Variants in SGCZ observed in about 807,000 individuals in gnomAD.
SGCZ encodes the protein sarcoglycan zeta.
Under a neutral mutation model 41.3 loss-of-function variants are expected in SGCZ, and 40 were observed. The observed-to-expected ratio is 0.97, with a 90% CI of 0.75 to 1.26. SGCZ has a LOEUF of 1.26. SGCZ is among the 50% of genes most tolerant of loss of function. The pLI, the probability that SGCZ is intolerant of heterozygous loss-of-function variation, is 0.00. For synonymous variants in SGCZ, 206 were observed against 137.5 expected (o/e 1.50, Z -3.49); for missense variants, 552 against 369.8 (o/e 1.49, Z -4.04).
chr8:14,426,156 A>G lies in SGCZ; in HGVS notation c.235-101952T>C, dbSNP rs113857800. 8.9e-3 allele frequency among the ~76,000 whole-genome samples: 1,350 copies of G among 152,274 alleles called. 19 individuals are homozygous for G. Among genetic ancestry groups the G allele is most frequent in the African/African-American group, 0.029 (1,190 of 41,548 alleles). ...CTGGAGGTAAGGGATTCAGCCCCTA[A>G]TAAAAAATAAGCAAATTTATCTTCC... On this transcript the variant is annotated intron_variant, in intron 2 of 7. Transcript: ENST00000382080.
intron 1 of SGCZ, among the ~76,000 whole-genome samples, chr8:14,904,878 G>A (rs898717414): frequency 1.3e-5 from 2 of 151,546 alleles, no homozygotes; most frequent in Non-Finnish European, 3.0e-5. Context: ...TTCTTCCTTA[G>A]ATAACCATTC....
chr8:15,025,746 A>C (rs2130950125), intron 1 of SGCZ, among the ~76,000 whole-genome samples: 1 of 152,324 alleles, frequency 6.6e-6, no homozygotes, highest in South Asian at 2.1e-4. Flanking sequence ...CTGACATATG[A>C]GATTGGAAAT....
intron 3 of SGCZ, among the ~76,000 whole-genome samples, chr8:14,304,105 A>T (rs1801278033): frequency 6.6e-6 from 1 of 152,062 alleles, no homozygotes; most frequent in Non-Finnish European, 1.5e-5. Context: ...GAATGATGAA[A>T]TCATAAGGCC....
intron 5 of SGCZ, among the ~76,000 whole-genome samples, chr8:14,125,391 C>A (rs900256339): frequency 4.5e-4 from 69 of 151,820 alleles, no homozygotes; most frequent in African/African-American, 1.6e-3. Context: ...GTAGTCCCAG[C>A]TACTTGGGAG....
chr8:14,572,101 T>C (rs1390874518), intron 1 of SGCZ, among the ~76,000 whole-genome samples: 1 of 152,218 alleles, frequency 6.6e-6, no homozygotes, highest in Non-Finnish European at 1.5e-5. Flanking sequence ...ATTAAATTGT[T>C]TTCATGATAC....
rs113939390 is a variant in SGCZ, at chr8:14,350,587, T to A, written c.235-26383A>T. On this transcript the variant is annotated intron_variant, in intron 2 of 7. Transcript: ENST00000382080. ...CCAGTGACCGGTACATACAGAGGTG[T>A]AAGGTTCTGGCCCTGTCGCCTCTAG... is the stretch of plus-strand genomic sequence containing the variant. Among the ~76,000 whole-genome samples the A allele has an allele frequency of 2.0e-3, 309 of 152,080 alleles. 2 individuals are homozygous for A. Among genetic ancestry groups the A allele is most frequent in the African/African-American group, 7.0e-3 (292 of 41,484 alleles).
At chr8:14,395,675 C>G (rs952434812) in intron 2 of SGCZ, among the ~76,000 whole-genome samples, 1 of 152,162 alleles carries the variant, frequency 6.6e-6, no homozygotes, top group Non-Finnish European at 1.5e-5. Context: ...CTAAAATACC[C>G]TGACCCATTT....
intron 2 of SGCZ, among the ~76,000 whole-genome samples, chr8:14,331,424 G>C (rs1802316900): frequency 6.6e-6 from 1 of 151,920 alleles, no homozygotes; most frequent in Non-Finnish European, 1.5e-5. Flanking sequence ...AAGCATAAAA[G>C]AAAAAACAAA....
intron 5 of SGCZ, among the ~76,000 whole-genome samples, chr8:14,133,579 C>T (rs538638409): frequency 8.5e-4 from 129 of 152,310 alleles, no homozygotes; most frequent in African/African-American, 2.7e-3. Context: ...TGTCTGAAGA[C>T]TGCCATAGAG....
At chr8:14,735,688 T>A (rs1799007402) in intron 1 of SGCZ, among the ~76,000 whole-genome samples, 1 of 152,172 alleles carries the variant, frequency 6.6e-6, no homozygotes, top group South Asian at 2.1e-4. Context: ...TTCTCCTTAA[T>A]AAACTCCCTT....
At chr8:14,557,073 C>T (rs1804055096) in intron 1 of SGCZ, among the ~76,000 whole-genome samples, 1 of 151,382 alleles carries the variant, frequency 6.6e-6, no homozygotes, top group South Asian at 2.1e-4. Context: ...ATTCCTTTTT[C>T]ACTGCATCTA....
chr8:14,792,634 G>A (rs540911686), intron 1 of SGCZ, among the ~76,000 whole-genome samples: 1 of 152,148 alleles, frequency 6.6e-6, no homozygotes, highest in Admixed American at 6.6e-5. Context: ...TGTTGCATAT[G>A]TATACATATG....
At chr8:14,168,563 T>A (rs1804277961) in intron 4 of SGCZ, among the ~76,000 whole-genome samples, 1 of 152,142 alleles carries the variant, frequency 6.6e-6, no homozygotes, top group South Asian at 2.1e-4. Flanking sequence ...GGCTGCCACG[T>A]AAGATGTGAC....
chr8:14,265,512 G>C lies in SGCZ; in HGVS notation c.337-27833C>G, dbSNP rs117245583. On this transcript the variant is annotated intron_variant, in intron 3 of 7. Transcript: ENST00000382080. Reference sequence around the variant, plus strand: ...TGACGAATCTGCTTTTTTCAAAATAGACAATTCAGATGTTAGCTCTGTTTA... The same window carrying C: ...TGACGAATCTGCTTTTTTCAAAATACACAATTCAGATGTTAGCTCTGTTTA... Among the ~76,000 whole-genome samples, 115 of 152,130 alleles carry C rather than the reference G, an allele frequency of 7.6e-4. 2 individuals are homozygous for C. In the East Asian group the frequency reaches 0.016, roughly 21 times the overall value.
intron 3 of SGCZ, among the ~76,000 whole-genome samples, chr8:14,265,982 A>G (rs1436870187): frequency 6.6e-6 from 1 of 152,140 alleles, no homozygotes; most frequent in East Asian, 1.9e-4. Context: ...ATTATGGGAG[A>G]ACATCAAAAG....
At chr8:14,860,735 A>AAAGT (rs375877111) in intron 1 of SGCZ, among the ~76,000 whole-genome samples, 20 of 112,830 alleles carry the variant, frequency 1.8e-4, no homozygotes, top group East Asian at 6.7e-4. Flanking sequence ...AGAAAGAAAG[A>AAAGT]AAGTAAGTAA....
intron 2 of SGCZ, among the ~76,000 whole-genome samples, chr8:14,454,184 C>G (rs73664362): frequency 0.012 from 1,777 of 152,164 alleles, 37 homozygotes; most frequent in African/African-American, 0.04. Flanking sequence ...GGTATGGTGG[C>G]AGGATTTCTA....
Position 14,110,564 on chromosome 8 carries a change from C to T in SGCZ, c.548-2329G>A, listed in dbSNP as rs549610262. On this transcript the variant is annotated intron_variant, in intron 5 of 7. Transcript: ENST00000382080. Reference sequence around the variant, plus strand: ...ATATGTAATCATACCACGTAAAGGGCGAAATTTTAAACTAAATAATACGAG... The same window carrying T: ...ATATGTAATCATACCACGTAAAGGGTGAAATTTTAAACTAAATAATACGAG... Among the ~76,000 whole-genome samples, 3 of 151,972 alleles carry T rather than the reference C, an allele frequency of 2.0e-5. No individual in the cohort carries two copies. In the South Asian group the frequency reaches 6.3e-4, roughly 32 times the overall value.
At chr8:14,127,515 G>C (rs1802899348) in intron 5 of SGCZ, among the ~76,000 whole-genome samples, 1 of 151,906 alleles carries the variant, frequency 6.6e-6, no homozygotes, top group African/African-American at 2.4e-5. Flanking sequence ...GAATGCAGTG[G>C]CACAATCTCG....
Sources: gnomAD v4.1 joint callset for allele counts (sites outside exome capture counted in the v4.1 genomes callset) on GRCh38, gnomAD v4.1.1 for gene constraint, MANE v1.5 for transcripts, NCBI Gene and HGNC (gene_info 2026-07-23, HGNC 2026-07-21) for gene names.